ESR1: variants seen among roughly 807,000 people sequenced by gnomAD.
The protein encoded by ESR1 is estrogen receptor 1.
Under a neutral mutation model 52.7 loss-of-function variants are expected in ESR1, and 12 were observed. That is an observed-to-expected ratio of 0.23 (90% confidence interval 0.15 to 0.37). ESR1 has a LOEUF of 0.37. Ranked by LOEUF, ESR1 falls within the 10% of genes least tolerant of loss-of-function variation. The pLI, the probability that ESR1 is intolerant of heterozygous loss-of-function variation, is 1.00. For synonymous variants in ESR1, 305 were observed against 316.8 expected, an observed-to-expected ratio of 0.96 and a Z score of 0.39; for missense variants, 584 against 779.7, an observed-to-expected ratio of 0.75 and a Z score of 2.99.
chr6:151,852,066 A>G (rs937362816), intron 2 of ESR1, among the ~76,000 whole-genome samples: 16 of 152,234 alleles, frequency 1.1e-4, no homozygotes, highest in Non-Finnish European at 2.1e-4. Flanking sequence ...AGGAGATAAA[A>G]GAGTTAAAGA....
chr6:152,083,856 CAG>C (rs1282109493), intron 6 of ESR1, among the ~76,000 whole-genome samples: 1 of 152,186 alleles, frequency 6.6e-6, no homozygotes, highest in African/African-American at 2.4e-5. Context: ...TTGTGGAAGA[CAG>C]TGTGGTGATT....
chr6:151,862,164 A>G (rs539502143), intron 2 of ESR1, among the ~76,000 whole-genome samples: 7 of 152,298 alleles, frequency 4.6e-5, no homozygotes, highest in African/African-American at 1.4e-4. Context: ...AGCAGTCAGC[A>G]TTGTAATTAA....
At chr6:151,911,543 C>T (rs747237960) in intron 3 of ESR1, among the ~76,000 whole-genome samples, 3 of 152,186 alleles carry the variant, frequency 2.0e-5, no homozygotes, top group Admixed American at 2.0e-4. Flanking sequence ...TCTCTCAAAT[C>T]AATCAGAGGC....
chr6:151,898,384 A>ATTTTTTTTTTTTTTTCTTTTTTTT (rs1795885227), intron 3 of ESR1, among the ~76,000 whole-genome samples: 1 of 101,220 alleles, frequency 9.9e-6, no homozygotes, highest in Non-Finnish European at 2.2e-5. Context: ...GGTTTTGTTC[A>ATTTTTTTTTTTTTTTCTTTTTTTT]TTTTTTTTTT....
intron 3 of ESR1, among the ~76,000 whole-genome samples, chr6:151,938,344 A>G (rs975925506): frequency 6.6e-6 from 1 of 152,214 alleles, no homozygotes; most frequent in Non-Finnish European, 1.5e-5. Flanking sequence ...ACTTTTTCTG[A>G]GATACAATAG....
At chr6:152,088,552 C>T (rs751942917) in intron 6 of ESR1, among the ~76,000 whole-genome samples, 3 of 152,112 alleles carry the variant, frequency 2.0e-5, no homozygotes, top group Non-Finnish European at 2.9e-5. Flanking sequence ...AAACCATTCA[C>T]GGAATAACGG....
chr6:151,984,249 C>G (rs1355381067), intron 4 of ESR1: 1 of 152,032 alleles, frequency 6.6e-6, no homozygotes, highest in African/African-American at 2.4e-5. Context: ...TCTGTTGTCT[C>G]ATCAGGTGTT....
chr6:152,122,435 T>C, intron 6 of ESR1: 2 of 1,614,162 alleles, frequency 1.2e-6, no homozygotes, highest in Non-Finnish European at 1.7e-6. Context: ...ATCTGCTTAG[T>C]TCAGAGTGGA....
chr6:151,850,440 GGAGA>G (rs139891345), intron 2 of ESR1, among the ~76,000 whole-genome samples: 1 of 148,778 alleles, frequency 6.7e-6, no homozygotes, highest in Non-Finnish European at 1.5e-5. Flanking sequence ...GAGAGAGGGA[GGAGA>G]GAGAGAGAGA....
intron 5 of ESR1, among the ~76,000 whole-genome samples, chr6:152,013,650 A>G (rs2042951245): frequency 6.6e-6 from 1 of 152,142 alleles, no homozygotes; most frequent in Non-Finnish European, 1.5e-5. Flanking sequence ...TCATATTGCC[A>G]GTGAGGTGAT....
At chr6:151,734,487 C>G (rs2128045338) in intron 2 of ESR1, among the ~76,000 whole-genome samples, 1 of 152,282 alleles carries the variant, frequency 6.6e-6, no homozygotes, top group East Asian at 1.9e-4. Flanking sequence ...CAAAGCCCCA[C>G]TTGTGCCTTG....
At chr6:151,959,565 T>G (rs1346716075) in intron 4 of ESR1, among the ~76,000 whole-genome samples, 2 of 152,170 alleles carry the variant, frequency 1.3e-5, no homozygotes, top group Non-Finnish European at 2.9e-5. Flanking sequence ...CCACCAGCTT[T>G]TGAGGAGGTT....
chr6:152,074,271 C>A lies in ESR1; in HGVS notation c.1369+13147C>A, dbSNP rs140406388. Reference sequence around the variant, plus strand: ...ATTCCTCCCTCCACCCCATTCCTGGCAACTACTGATCTTTTTACTGTCTCC... The same window carrying A: ...ATTCCTCCCTCCACCCCATTCCTGGAAACTACTGATCTTTTTACTGTCTCC... On this transcript the variant is annotated intron_variant, in intron 6 of 7. Transcript: ENST00000206249. Among the ~76,000 whole-genome samples, 250 of 152,326 alleles carry A rather than the reference C, an allele frequency of 1.6e-3. 6 individuals are homozygous for A. The East Asian group carries it at 0.038, about 23-fold the overall frequency.
At chr6:151,930,391 T>C (rs1312324764) in intron 3 of ESR1, among the ~76,000 whole-genome samples, 3 of 152,202 alleles carry the variant, frequency 2.0e-5, no homozygotes, top group African/African-American at 7.2e-5. Flanking sequence ...CCTTTTTACA[T>C]GAAATATAGG....
chr6:152,107,171 T>C (rs1403828342), downstream of ESR1, among the ~76,000 whole-genome samples: 1 of 152,190 alleles, frequency 6.6e-6, no homozygotes, highest in Non-Finnish European at 1.5e-5. Context: ...CCATTGTTTT[T>C]TCAAATAATG....
chr6:152,015,968 AC>A (rs1483371426), intron 5 of ESR1, among the ~76,000 whole-genome samples: 1 of 152,108 alleles, frequency 6.6e-6, no homozygotes, highest in African/African-American at 2.4e-5. Context: ...CTGTGTTCCC[AC>A]CCAAATTTCA....
chr6:152,117,904 T>C (rs1319440740), intron 6 of ESR1, among the ~76,000 whole-genome samples: 1 of 152,224 alleles, frequency 6.6e-6, no homozygotes, highest in East Asian at 1.9e-4. Flanking sequence ...TGGGTGACTT[T>C]AGGTATGACA....
At chr6:151,806,143 A>G (rs1777794995), upstream of ESR1, among the ~76,000 whole-genome samples, 1 of 152,248 alleles carries the variant, frequency 6.6e-6, no homozygotes, top group Non-Finnish European at 1.5e-5. Flanking sequence ...CTGGCCATAA[A>G]GGGAAATATC....
chr6:151,815,407 T>C lies in ESR1; in HGVS notation c.452+7043T>C, dbSNP rs533118279. The stretch of plus-strand genomic sequence containing the variant: ...AGAAATCATCTCTTCTTCATTGCTG[T>C]ATTTCCCTCAAGCTCTTAGCAAAGT... On this transcript the variant is annotated intron_variant, in intron 1 of 7. Transcript: ENST00000206249. Among the ~76,000 whole-genome samples, 4 of 152,348 alleles carry C rather than the reference T, an allele frequency of 2.6e-5. No individual in the cohort carries two copies. In the East Asian group the frequency reaches 7.7e-4, roughly 29 times the overall value.
Sources: gnomAD v4.1 joint callset for allele counts (sites outside exome capture counted in the v4.1 genomes callset) on GRCh38, gnomAD v4.1.1 for gene constraint, MANE v1.5 for transcripts, NCBI Gene and HGNC (gene_info 2026-07-23, HGNC 2026-07-21) for gene names.